Variants in CGGBP1 observed in about 807,000 individuals in gnomAD.
CGGBP1 encodes the protein CGG triplet repeat-binding protein 1.
Under a neutral mutation model 11.4 loss-of-function variants are expected in CGGBP1, and 4 were observed. The observed-to-expected ratio is 0.35, with a 90% CI of 0.17 to 0.80. CGGBP1 has a LOEUF of 0.80. Ranked by LOEUF, CGGBP1 falls within the 30% of genes least tolerant of loss-of-function variation. The pLI, the probability that CGGBP1 is intolerant of heterozygous loss-of-function variation, is 0.52. For missense variants in CGGBP1, 135 were observed against 202.1 expected, an observed-to-expected ratio of 0.67 and a Z score of 2.01; for synonymous variants, 76 against 74.1, an observed-to-expected ratio of 1.03 and a Z score of -0.13.
chr3:88,116,559 T>TACACACACACAC (rs140401038), intron 2 of CGGBP1, among the ~76,000 whole-genome samples: 22,466 of 146,454 alleles, frequency 0.15, 1,829 homozygotes, highest in African/African-American at 0.2. Context: ...CATACATATA[T>TACACACACACAC]ATACACACAC....
intron 2 of CGGBP1, chr3:88,140,819 A>G (rs1707082196): frequency 1.2e-6 from 2 of 1,613,572 alleles, no homozygotes; most frequent in East Asian, 2.2e-5. Flanking sequence ...ACGTCAGACC[A>G]TTGCCTCCCA....
intron 2 of CGGBP1, among the ~76,000 whole-genome samples, chr3:88,096,584 C>T (rs1194871024): frequency 6.6e-6 from 1 of 152,096 alleles, no homozygotes; most frequent in Non-Finnish European, 1.5e-5. Flanking sequence ...TCTTCCCATA[C>T]TTTAAAGAAG....
intron 2 of CGGBP1, among the ~76,000 whole-genome samples, chr3:88,068,258 C>T (rs1344595061): frequency 6.6e-6 from 1 of 151,886 alleles, no homozygotes; most frequent in Non-Finnish European, 1.5e-5. Flanking sequence ...GAGTTACATT[C>T]ATTCAGGATT....
intron 1 of CGGBP1, chr3:88,143,982 T>G (rs1483554853): frequency 3.9e-5 from 6 of 152,316 alleles, no homozygotes; most frequent in South Asian, 2.1e-4. Flanking sequence ...GAAGCTTGCT[T>G]CTTATTCCTC....
At chr3:88,107,548 C>T (rs73132515) in intron 2 of CGGBP1, among the ~76,000 whole-genome samples, 22,656 of 152,044 alleles carry the variant, frequency 0.15, 1,767 homozygotes, top group African/African-American at 0.18. Flanking sequence ...TCGTCAGTTG[C>T]GAAAAATTCT....
At position 88,073,511 on chromosome 3, in the gene CGGBP1, G is replaced by A. The variant is rs1576206346; in HGVS notation, c.-228-15288C>T. ...GAAGTATCCCAGAAAAGGAATTGAG[G>A]GCCTGGCTGAATAAGTGGCTGGAAC... On this transcript the variant is annotated intron_variant, in intron 2 of 3. Transcript: ENST00000462901. Among the ~76,000 whole-genome samples the A allele has an allele frequency of 3.3e-5, 5 of 152,016 alleles. No homozygotes were observed. In the East Asian group the frequency reaches 9.6e-4, roughly 29 times the overall value.
At chr3:88,079,272 C>T (rs1707963442) in intron 2 of CGGBP1, among the ~76,000 whole-genome samples, 1 of 151,936 alleles carries the variant, frequency 6.6e-6, no homozygotes, top group African/African-American at 2.4e-5. Context: ...GAGGAACATC[C>T]ACATTTTGGA....
rs544969136 is a variant in CGGBP1 at position 88,081,141 on chromosome 3, G to A, written c.-228-22918C>T. 5.9e-5 allele frequency among the ~76,000 whole-genome samples: 9 copies of A among 152,156 alleles called. No individual in the cohort carries two copies. The East Asian group carries it at 9.6e-4, about 16-fold the overall frequency. ...GGGTTTGTCTGATGTTTGTTTTCTC[G>A]TGATGGGAATCAATCTATGCATTTT... On this transcript the variant is annotated intron_variant, in intron 2 of 3. Transcript: ENST00000462901.
At chr3:88,086,227 A>T in intron 2 of CGGBP1, 2 of 1,507,978 alleles carry the variant, frequency 1.3e-6, no homozygotes, top group Non-Finnish European at 1.8e-6. Context: ...AACTTTTTCT[A>T]TAGTAATGTC....
intron 1 of CGGBP1, chr3:88,143,901 C>G (rs1707241315): frequency 6.6e-6 from 1 of 151,890 alleles, no homozygotes; most frequent in Non-Finnish European, 1.5e-5. Context: ...AAAACATAAA[C>G]CTACATCATT....
intron 2 of CGGBP1, among the ~76,000 whole-genome samples, chr3:88,100,653 T>C (rs1322427600): frequency 6.6e-6 from 1 of 152,176 alleles, no homozygotes; most frequent in African/African-American, 2.4e-5. Context: ...GTTCATGTCC[T>C]TTGTAGGGAC....
In CGGBP1 at chr3:88,055,161, T is replaced by TA. The variant is rs559787200; in HGVS notation, c.*311dup. 3.9e-4 allele frequency: 83 copies of TA among 215,266 alleles called. 1 individual carries two copies. In the Admixed American group the frequency reaches 4.0e-3, roughly 10 times the overall value. The allele number at this position is 215,266 out of a possible 1,614,324, so 13.3% of individuals were successfully genotyped here. On this transcript the variant is annotated 3_prime_UTR_variant, in exon 4 of 4. Transcript: ENST00000482016. The surrounding 1 kb of genome is among the most constrained non-coding windows in gnomAD (Gnocchi z 4.2). ...GGAATAATCATACATGGCAACAGGG[T>TA]AAAAAAGCAGGGCAGTTCTTCCATG... is the stretch of plus-strand genomic sequence containing the variant.
At position 88,055,583 on chromosome 3, in the gene CGGBP1, G is replaced by A. The variant is rs1412633285; in HGVS notation, c.394C>T (p.Arg132Cys). 6 of 1,612,156 alleles carry A rather than the reference G, an allele frequency of 3.7e-6. No homozygotes were observed. The highest frequency in any genetic ancestry group is 2.2e-5 in the East Asian group (1 of 44,806). The change falls in exon 4 of 4, where the codon CGC becomes TGC. Residue 132 changes from arginine (R) to cysteine (C), a missense_variant. Transcript: ENST00000482016. This position sits in a 1 kb window ranked among gnomAD's most constrained non-coding sequence, Gnocchi z 4.2. ...DHPAVRAFLSRHVKNGGSIPK... is the reference protein window; with the variant it reads ...DHPAVRAFLSCHVKNGGSIPK... ...ATGGAGCCTCCATTCTTCACATGGC[G>A]AGATAGGAAAGCACGGACTGCTGGG...
At chr3:88,128,384 C>T (rs1392240365) in intron 2 of CGGBP1, among the ~76,000 whole-genome samples, 1 of 151,934 alleles carries the variant, frequency 6.6e-6, no homozygotes, top group East Asian at 1.9e-4. Flanking sequence ...TGTGAACTAA[C>T]ATGGTTTTAA....
chr3:88,070,798 C>G (rs1040610936), intron 2 of CGGBP1, among the ~76,000 whole-genome samples: 1 of 152,088 alleles, frequency 6.6e-6, no homozygotes, highest in African/African-American at 2.4e-5. Flanking sequence ...TTTTTATCGT[C>G]ATTTTATGAA....
intron 2 of CGGBP1, among the ~76,000 whole-genome samples, chr3:88,113,809 A>T (rs1229173096): frequency 1.3e-4 from 9 of 66,942 alleles, no homozygotes; most frequent in African/African-American, 3.3e-4. Flanking sequence ...GAACTGAAAT[A>T]TACAGACAAC....
chr3:88,147,426 T>C (rs1315497888), intron 1 of CGGBP1, among the ~76,000 whole-genome samples: 4 of 152,196 alleles, frequency 2.6e-5, no homozygotes, highest in South Asian at 4.1e-4. Context: ...GGCAAGAACC[T>C]ATGGCAAGTT....
At chr3:88,099,152 T>C (rs1266561422) in intron 2 of CGGBP1, among the ~76,000 whole-genome samples, 1 of 152,122 alleles carries the variant, frequency 6.6e-6, no homozygotes, top group Non-Finnish European at 1.5e-5. Context: ...GGATACAAAA[T>C]CAATGTGCAA....
chr3:88,060,482 A>G (rs1706810626), upstream of CGGBP1, among the ~76,000 whole-genome samples: 2 of 152,148 alleles, frequency 1.3e-5, no homozygotes, highest in African/African-American at 4.8e-5. Flanking sequence ...TATTTTGGGG[A>G]AAAAAATTAA....
Sources: allele counts gnomAD v4.1 joint callset (sites outside exome capture counted in the v4.1 genomes callset), GRCh38; gene constraint gnomAD v4.1.1; non-coding constraint Gnocchi (gnomAD v3.1); transcripts MANE v1.5; gene names NCBI Gene and HGNC (gene_info 2026-07-23, HGNC 2026-07-21).